ZZZ3: variants seen among roughly 807,000 people sequenced by gnomAD.
ZZZ3 encodes ZZ-type zinc finger-containing protein 3.
A neutral mutation model predicts 95.2 loss-of-function variants in ZZZ3; 22 were observed. That is an observed-to-expected ratio of 0.23 (90% confidence interval 0.17 to 0.33). The LOEUF (loss-of-function observed/expected upper bound fraction) is 0.33, where lower values mean the gene tolerates loss of function less well. Among genes scored for constraint, ZZZ3 ranks in the 10% least tolerant of loss-of-function variants. The probability of loss-of-function intolerance (pLI) is 1.00; values close to 1 mark genes in which losing one functional copy is unlikely to be tolerated. For missense variants in ZZZ3, 885 were observed against 1,066.5 expected (o/e 0.83, Z 2.37); for synonymous variants, 335 against 358.9 (o/e 0.93, Z 0.75).
intron 13 of ZZZ3, 96 bp downstream of exon 13, chr1:77,568,236 G>A (rs1475715548): frequency 1.7e-5 from 18 of 1,045,008 alleles, no homozygotes; most frequent in East Asian, 9.7e-5. Context: ...CTGAGATCAC[G>A]CCACTGCACT....
intron 1 of ZZZ3, among the ~76,000 whole-genome samples, chr1:77,660,090 C>T (rs1055931598): frequency 1.3e-5 from 2 of 152,092 alleles, no homozygotes; most frequent in Non-Finnish European, 2.9e-5. Flanking sequence ...TCTCAACCTC[C>T]CAAAGAGCTG....
rs938949077 is a variant in ZZZ3 at position 77,639,975 on chromosome 1, C to T, written c.-205-373G>A. The stretch of plus-strand genomic sequence containing the variant: ...CATAACAGAATTTATAATATCATCT[C>T]GTACTCTTGTCCTAGAGGACTTCCC... On this transcript the variant is annotated intron_variant, in intron 3 of 14. Coordinates refer to ENST00000370801, the MANE Select transcript of ZZZ3 (RefSeq NM_015534.6). Among the ~76,000 whole-genome samples, 5 of 150,914 alleles carry T rather than the reference C, an allele frequency of 3.3e-5. No homozygotes were observed. The East Asian group carries it at 5.8e-4, about 18-fold the overall frequency.
In ZZZ3 at chr1:77,581,840, T is replaced by A. The variant is rs367955962; in HGVS notation, c.1844A>T (p.Glu615Val). The A allele has an allele frequency of 2.5e-6, 4 of 1,613,934 alleles. No homozygotes were observed. The highest frequency in any genetic ancestry group is 2.7e-5 in the African/African-American group (2 of 74,926). Residue 615 changes from glutamate to valine, a missense_variant, in exon 8 of 15, where the codon GAG becomes GTG. Transcript: ENST00000370801. ...AGGCAACATAGAATATGAAAGGGAC[T>A]CTCCATCCTTCTTAGGATCTAAAGG... ...KSPLDPKKDG[E>V]SLSYSMLPLS...
chr1:77,568,389 C>CAAAT lies in ZZZ3; in HGVS notation c.2408_2409insATTT (p.Gln804PhefsTer10). 6.3e-7 allele frequency: 1 copy of CAAAT among 1,591,428 alleles called. No homozygotes were observed. Among genetic ancestry groups the CAAAT allele is most frequent in the Non-Finnish European group, 8.5e-7 (1 of 1,170,128 alleles). On this transcript the variant is annotated frameshift_variant, in exon 13 of 15. Coordinates refer to ENST00000370801, the MANE Select transcript of ZZZ3 (RefSeq NM_015534.6). LOFTEE classifies it high-confidence loss of function. ...CAGCTTGCATTTGCTGAAGTTTCTG[C>CAAAT]TTCTTTAACTTTTTAAACTGTAATA...
At chr1:77,604,555 T>G (rs1665045760) in intron 5 of ZZZ3, among the ~76,000 whole-genome samples, 1 of 152,204 alleles carries the variant, frequency 6.6e-6, no homozygotes, top group Admixed American at 6.5e-5. Context: ...ATATTTCTAG[T>G]AAACTACGTG....
chr1:77,566,486 A>C (rs1219145135), intron 13 of ZZZ3, among the ~76,000 whole-genome samples: 1 of 152,192 alleles, frequency 6.6e-6, no homozygotes, highest in Non-Finnish European at 1.5e-5. Context: ...GTGTTTTGTT[A>C]TTTGTAATCA....
At chr1:77,567,484 G>A (rs1660938460) in intron 13 of ZZZ3, among the ~76,000 whole-genome samples, 1 of 152,178 alleles carries the variant, frequency 6.6e-6, no homozygotes, top group Admixed American at 6.5e-5. Flanking sequence ...TAAATGTCAT[G>A]TTACTTTCTG....
chr1:77,630,529 G>A (rs780589440), intron 5 of ZZZ3, among the ~76,000 whole-genome samples: 2 of 151,910 alleles, frequency 1.3e-5, no homozygotes, highest in Admixed American at 6.6e-5. Context: ...CAGTATATAT[G>A]AACAGCAGAA....
intron 1 of ZZZ3, among the ~76,000 whole-genome samples, chr1:77,667,763 C>CTTT (rs34939314): frequency 1.1e-4 from 13 of 115,092 alleles, no homozygotes; most frequent in African/African-American, 1.7e-4. Context: ...AATGGGTATT[C>CTTT]TTTTTTTTTT....
intron 5 of ZZZ3, among the ~76,000 whole-genome samples, chr1:77,602,123 C>T (rs930166563): frequency 3.3e-5 from 5 of 152,152 alleles, no homozygotes; most frequent in African/African-American, 1.2e-4. Flanking sequence ...GGAAACCATG[C>T]CTTTAGAGTT....
intron 5 of ZZZ3, among the ~76,000 whole-genome samples, chr1:77,628,153 G>A (rs903327544): frequency 1.3e-5 from 2 of 152,074 alleles, no homozygotes; most frequent in Admixed American, 6.6e-5. Flanking sequence ...AAACAGAAAG[G>A]GCAATCACAG....
chr1:77,632,528 T>C lies in ZZZ3; in HGVS notation c.827A>G (p.Lys276Arg), dbSNP rs775304660. 1.9e-6 allele frequency: 3 copies of C among 1,614,198 alleles called. No homozygotes were observed. Among genetic ancestry groups the C allele is most frequent in the Admixed American group, 3.3e-5 (2 of 60,024 alleles). Residue 276 changes from lysine (K) to arginine (R), a missense_variant, in exon 5 of 15, where the codon AAG becomes AGG. Physicochemically the swap from Lys to Arg is conservative, Grantham distance 26 (BLOSUM62 2). This residue lies in a region of ZZZ3 where 556 missense variants were observed against 652.9 expected (regional missense o/e 0.85). Transcript: ENST00000370801. ...AGTTACTATTTTGTGGTCCTCCAAC[T>C]TGACCTGCACTTGTGAATCTGTGCA... ...VPCTDSQVQVKLEDHKIVTAC... is the reference protein window; with the variant it reads ...VPCTDSQVQVRLEDHKIVTAC...
At chr1:77,607,911 C>A in intron 5 of ZZZ3, among the ~76,000 whole-genome samples, 1 of 139,754 alleles carries the variant, frequency 7.2e-6, no homozygotes, top group South Asian at 2.3e-4. Context: ...CAGAACAAGA[C>A]TCTGTCTCAA....
intron 5 of ZZZ3, among the ~76,000 whole-genome samples, chr1:77,606,393 C>G (rs1665237039): frequency 6.6e-6 from 1 of 152,216 alleles, no homozygotes; most frequent in Admixed American, 6.5e-5. Flanking sequence ...ATCTCTAGAC[C>G]TCCCCAGAGT....
chr1:77,681,728 C>T (rs1422795006), intron 1 of ZZZ3, among the ~76,000 whole-genome samples: 1 of 152,010 alleles, frequency 6.6e-6, no homozygotes, highest in Non-Finnish European at 1.5e-5. Context: ...CCCGTCTCTA[C>T]TAAAAACACA....
At chr1:77,682,359 G>A (rs553348208) in intron 1 of ZZZ3, among the ~76,000 whole-genome samples, 3 of 152,340 alleles carry the variant, frequency 2.0e-5, no homozygotes, top group Non-Finnish European at 1.5e-5. Context: ...CACGGCTCCC[G>A]GACTTCCAGT....
intron 1 of ZZZ3, among the ~76,000 whole-genome samples, chr1:77,678,960 G>C (rs1006983498): frequency 6.6e-6 from 1 of 152,104 alleles, no homozygotes; most frequent in Non-Finnish European, 1.5e-5. Context: ...TGAATAGTTT[G>C]ATTAATCACA....
At chr1:77,683,350 T>A (rs1255189804), upstream of ZZZ3, 1 of 151,480 alleles carries the variant, frequency 6.6e-6, no homozygotes, top group Non-Finnish European at 1.5e-5. Context: ...CTTGCTCGGG[T>A]GGCCACCGCT....
At chr1:77,659,882 G>A (rs1455065781) in intron 1 of ZZZ3, among the ~76,000 whole-genome samples, 4 of 152,092 alleles carry the variant, frequency 2.6e-5, no homozygotes. Context: ...ACCCAGGCTA[G>A]AGGGCAGTGG....
Sources: allele counts gnomAD v4.1 joint callset (sites outside exome capture counted in the v4.1 genomes callset), GRCh38; gene constraint gnomAD v4.1.1; regional missense constraint gnomAD v4.1.1; transcripts MANE v1.5; gene names NCBI Gene and HGNC (gene_info 2026-07-23, HGNC 2026-07-21).